The following PATJ variants were observed in gnomAD, a reference collection of about 807,000 sequenced individuals.
PATJ encodes the protein PATJ crumbs cell polarity complex component, also known as inaD-like protein.
Under a neutral mutation model 224.9 loss-of-function variants are expected in PATJ, and 190 were observed. The observed-to-expected ratio is 0.84, with a 90% CI of 0.75 to 0.95. The LOEUF is 0.95. PATJ is among the 40% of genes least tolerant of loss of function. The pLI, the probability that PATJ is intolerant of heterozygous loss-of-function variation, is 0.00. For synonymous variants in PATJ, 769 were observed against 820.3 expected (o/e 0.94, Z 1.07); for missense variants, 2,121 against 2,270.3 (o/e 0.93, Z 1.34).
chr1:61,867,775 C>T (rs1040949326), intron 20 of PATJ, among the ~76,000 whole-genome samples: 1 of 152,032 alleles, frequency 6.6e-6, no homozygotes, highest in East Asian at 1.9e-4. Context: ...CACTTACACC[C>T]GTTGATCAGG....
At chr1:61,788,389 AGTT>A (rs1283156174) in intron 8 of PATJ, among the ~76,000 whole-genome samples, 1 of 151,932 alleles carries the variant, frequency 6.6e-6, no homozygotes, top group Non-Finnish European at 1.5e-5. Context: ...TAATAATAAT[AGTT>A]ATTATTTTAA....
intron 27 of PATJ, among the ~76,000 whole-genome samples, chr1:61,984,350 G>A (rs1004985033): frequency 7.9e-5 from 12 of 151,546 alleles, no homozygotes; most frequent in African/African-American, 2.9e-4. Context: ...AATAGAGACA[G>A]GGTTTCACTA....
At chr1:61,850,042 A>G (rs12022830) in intron 17 of PATJ, among the ~76,000 whole-genome samples, 16,027 of 152,064 alleles carry the variant, frequency 0.11, 945 homozygotes, top group African/African-American at 0.14. Context: ...TCTCCTCTTT[A>G]TGTCACATTC....
At chr1:61,866,951 G>T (rs1364830627) in intron 20 of PATJ, among the ~76,000 whole-genome samples, 3 of 152,184 alleles carry the variant, frequency 2.0e-5, no homozygotes, top group Non-Finnish European at 4.4e-5. Flanking sequence ...TGATGTTACT[G>T]TGGCATTTGT....
intron 11 of PATJ, among the ~76,000 whole-genome samples, chr1:61,800,435 A>G (rs887430386): frequency 6.6e-6 from 1 of 151,910 alleles, no homozygotes; most frequent in African/African-American, 2.4e-5. Flanking sequence ...GGGTTGTTTT[A>G]TTGTTACTGA....
intron 1 of PATJ, among the ~76,000 whole-genome samples, chr1:61,759,315 C>G (rs1004959885): frequency 6.6e-6 from 1 of 152,152 alleles, no homozygotes; most frequent in African/African-American, 2.4e-5. Context: ...ATTGGACACC[C>G]CTGTGGCTGA....
rs112548443 is a variant in PATJ at position 61,864,321 on chromosome 1, A to G, written c.2523A>G (p.Gln841=). ...TGGGAAAGTCTTTCCATTCCCAACA[A>G]AAAGAGATAGAGCAAAGCAAGGAGG... ...LDLGKSFHSQ[Q]KEIEQSKEAW... is the part of the protein sequence containing the mutation. The change falls in exon 20 of 44, where the codon CAA becomes CAG. Residue 841 remains glutamine (Q), a synonymous_variant. Coordinates refer to ENST00000642238, the MANE Select transcript of PATJ (RefSeq NM_001350145.3). The G allele has an allele frequency of 5.6e-4, 899 of 1,614,110 alleles. 12 individuals are homozygous for G. The African/African-American group carries it at 0.01, about 18-fold the overall frequency.
At chr1:62,100,007 A>G (rs77986800) in intron 33 of PATJ, among the ~76,000 whole-genome samples, 1,996 of 152,314 alleles carry the variant, frequency 0.013, 23 homozygotes, top group Non-Finnish European at 0.022. Context: ...GTCTAAGGAT[A>G]TACTATTGCA....
intron 31 of PATJ, among the ~76,000 whole-genome samples, chr1:62,065,590 A>C (rs1311053075): frequency 6.6e-6 from 1 of 152,170 alleles, no homozygotes; most frequent in Non-Finnish European, 1.5e-5. Context: ...CCTGGGTGAC[A>C]GAGTAAGACT....
chr1:62,112,078 G>T (rs17097042), intron 34 of PATJ, among the ~76,000 whole-genome samples: 4,317 of 152,202 alleles, frequency 0.028, 124 homozygotes, highest in African/African-American at 0.07. Flanking sequence ...TTAAACATTT[G>T]GTTGGCTCAC....
chr1:61,944,191 C>A (rs1678295461), intron 27 of PATJ, among the ~76,000 whole-genome samples: 1 of 152,198 alleles, frequency 6.6e-6, no homozygotes. Flanking sequence ...CAGCTCCTCA[C>A]CAGCAACGGA....
At chr1:61,933,882 A>G (rs1299079818) in intron 27 of PATJ, among the ~76,000 whole-genome samples, 1 of 152,112 alleles carries the variant, frequency 6.6e-6, no homozygotes, top group African/African-American at 2.4e-5. Context: ...CAATGGATCA[A>G]CAAACATACA....
intron 7 of PATJ, among the ~76,000 whole-genome samples, chr1:61,780,458 C>G (rs1315009491): frequency 1.3e-5 from 2 of 152,124 alleles, no homozygotes; most frequent in East Asian, 3.9e-4. Context: ...GAGCAAGACT[C>G]TTTCTCAAAA....
At chr1:61,839,367 G>A (rs879428885) in intron 17 of PATJ, among the ~76,000 whole-genome samples, 1 of 151,704 alleles carries the variant, frequency 6.6e-6, no homozygotes, top group African/African-American at 2.4e-5. Flanking sequence ...TTAATATAGT[G>A]TGCTCATATG....
At chr1:61,844,464 C>T (rs1661605849) in intron 17 of PATJ, among the ~76,000 whole-genome samples, 2 of 152,152 alleles carry the variant, frequency 1.3e-5, no homozygotes, top group Non-Finnish European at 1.5e-5. Flanking sequence ...ACAGTTCCCT[C>T]TTTTTTGAGG....
intron 14 of PATJ, among the ~76,000 whole-genome samples, chr1:61,812,499 G>A (rs111552390): frequency 0.014 from 2,074 of 149,946 alleles, 20 homozygotes; most frequent in Non-Finnish European, 0.019. Flanking sequence ...TCTTGGAGAC[G>A]GGGCAGAGGT....
intron 30 of PATJ, among the ~76,000 whole-genome samples, chr1:62,043,705 T>G (rs1651952944): frequency 7.0e-6 from 1 of 143,670 alleles, no homozygotes; most frequent in Admixed American, 7.3e-5. Context: ...ACATGATGGG[T>G]TTTTTTGTTT....
chr1:61,895,910 C>G (rs925454451), intron 22 of PATJ, among the ~76,000 whole-genome samples: 1 of 152,204 alleles, frequency 6.6e-6, no homozygotes, highest in African/African-American at 2.4e-5. Context: ...GCCACAGGGA[C>G]AGAGCTGCCC....
At chr1:61,780,764 A>G (rs1647209798) in intron 7 of PATJ, among the ~76,000 whole-genome samples, 1 of 152,126 alleles carries the variant, frequency 6.6e-6, no homozygotes, top group African/African-American at 2.4e-5. Flanking sequence ...GAATTTTCTG[A>G]GCTTTTAAAA....
Sources: allele counts gnomAD v4.1 joint callset (sites outside exome capture counted in the v4.1 genomes callset), GRCh38; gene constraint gnomAD v4.1.1; transcripts MANE v1.5; gene names NCBI Gene and HGNC (gene_info 2026-07-23, HGNC 2026-07-21).